The following USP15 variants were observed in gnomAD, a reference collection of about 807,000 sequenced individuals.
USP15 encodes the protein ubiquitin specific peptidase 15, also known as ubiquitin carboxyl-terminal hydrolase 15.
USP15 carries 18 observed loss-of-function variants against 127.1 expected under a neutral mutation model. The ratio of observed to expected loss-of-function variants is 0.14; its 90% CI spans 0.10 to 0.21. The LOEUF is 0.21. USP15 is among the 10% of genes least tolerant of loss of function. The pLI is 1.00. For synonymous variants in USP15, 364 were observed against 393.7 expected, an observed-to-expected ratio of 0.92 and a Z score of 0.89; for missense variants, 805 against 1,159.9, an observed-to-expected ratio of 0.69 and a Z score of 4.44.
intron 1 of USP15, among the ~76,000 whole-genome samples, chr12:62,261,334 A>G (rs181404635): frequency 1.3e-5 from 2 of 152,376 alleles, no homozygotes; most frequent in Non-Finnish European, 2.9e-5. Flanking sequence ...CTTGTCGACC[A>G]TATCAAGTGG....
chr12:62,298,359 T>C (rs1356358343), intron 2 of USP15, among the ~76,000 whole-genome samples: 1 of 151,862 alleles, frequency 6.6e-6, no homozygotes, highest in Non-Finnish European at 1.5e-5. Context: ...ACCTTGTCTC[T>C]AGAATAAATA....
intron 6 of USP15, among the ~76,000 whole-genome samples, chr12:62,343,410 G>A (rs999138746): frequency 1.3e-5 from 2 of 152,164 alleles, no homozygotes; most frequent in African/African-American, 4.8e-5. Context: ...CCCTTTCCAG[G>A]GGAGCGAATG....
intron 20 of USP15, among the ~76,000 whole-genome samples, chr12:62,400,651 G>T (rs1040452875): frequency 5.9e-5 from 9 of 151,428 alleles, no homozygotes; most frequent in Non-Finnish European, 1.2e-4. Flanking sequence ...ATGAGTAGAG[G>T]TATCAGAAAA....
intron 20 of USP15, among the ~76,000 whole-genome samples, chr12:62,398,320 T>C (rs1203658623): frequency 6.6e-6 from 1 of 152,186 alleles, no homozygotes; most frequent in Non-Finnish European, 1.5e-5. Flanking sequence ...TCTAATTGAT[T>C]TCTTCCCTTC....
intron 6 of USP15, among the ~76,000 whole-genome samples, chr12:62,328,650 T>A (rs2065200979): frequency 6.6e-6 from 1 of 152,214 alleles, no homozygotes; most frequent in African/African-American, 2.4e-5. Flanking sequence ...GTTCAAAATT[T>A]TTTTTTTCCT....
chr12:62,310,759 T>C (rs930814255), intron 3 of USP15, among the ~76,000 whole-genome samples: 3 of 135,704 alleles, frequency 2.2e-5, no homozygotes, highest in African/African-American at 8.4e-5. Flanking sequence ...GTAGGATTGC[T>C]GGATTCAATG....
At chr12:62,274,716 A>G (rs1189674731) in intron 1 of USP15, among the ~76,000 whole-genome samples, 1 of 152,144 alleles carries the variant, frequency 6.6e-6, no homozygotes, top group East Asian at 1.9e-4. Context: ...GAGGGAAGGG[A>G]GGGAAGAAAA....
At chr12:62,280,384 A>G (rs1250461629) in intron 1 of USP15, among the ~76,000 whole-genome samples, 2 of 152,196 alleles carry the variant, frequency 1.3e-5, no homozygotes, top group Non-Finnish European at 2.9e-5. Flanking sequence ...CTGCTATAAC[A>G]AAGTACCTGT....
At chr12:62,351,839 ATCTT>A (rs2065975222) in intron 7 of USP15, among the ~76,000 whole-genome samples, 3 of 151,980 alleles carry the variant, frequency 2.0e-5, no homozygotes, top group African/African-American at 7.2e-5. Context: ...TGTAAGGATT[ATCTT>A]TCTTAGTAAG....
intron 1 of USP15, among the ~76,000 whole-genome samples, chr12:62,262,004 C>G (rs79870446): frequency 0.021 from 3,164 of 152,038 alleles, 104 homozygotes; most frequent in African/African-American, 0.073. Context: ...TTTGGGAGGC[C>G]GAGGAGGGAG....
chr12:62,269,896 C>T (rs1456275362), intron 1 of USP15, among the ~76,000 whole-genome samples: 4 of 152,056 alleles, frequency 2.6e-5, no homozygotes, highest in Non-Finnish European at 5.9e-5. Context: ...GTTTTCATTT[C>T]TCGTGTATAT....
intron 2 of USP15, among the ~76,000 whole-genome samples, chr12:62,302,291 T>C (rs1016883342): frequency 6.6e-6 from 1 of 152,194 alleles, no homozygotes; most frequent in Non-Finnish European, 1.5e-5. Context: ...GAGGGATCTC[T>C]GCTACTCAAA....
At position 62,381,501 on chromosome 12, in the gene USP15, C is replaced by T. The variant is rs760358854; in HGVS notation, c.927C>T (p.Asn309=). The change falls in exon 9 of 22, where the codon AAC becomes AAT. Residue 309 remains asparagine, a synonymous_variant. Transcript: ENST00000280377. ...FMNSAIQCLS[N]TPPLTEYFLN... ...TTTATTTTTTGCAGTGTTTGAGCAA[C>T]ACACCTCCACTTACTGAGTATTTCC... 2 of 1,604,772 alleles carry T rather than the reference C, an allele frequency of 1.2e-6. No individual in the cohort carries two copies. The highest frequency in any genetic ancestry group is 1.1e-5 in the South Asian group (1 of 89,634).
intron 9 of USP15, among the ~76,000 whole-genome samples, chr12:62,382,505 T>G (rs2067021291): frequency 6.6e-6 from 1 of 151,992 alleles, no homozygotes; most frequent in Non-Finnish European, 1.5e-5. Context: ...TTCCTTAACA[T>G]TCTAAACTTT....
rs1353971599 is a variant in USP15, at chr12:62,260,469, C to T, written c.55C>T (p.Leu19=). The part of the protein sequence containing the change: ...LDTQRSDIAT[L]LKTSLRKGDT... ...CACCCAGCGGTCTGACATCGCGACG[C>T]TGCTCAAAACCTCGCTCCGGAAAGG... The change falls in exon 1 of 22, where the codon CTG becomes TTG. Residue 19 remains leucine, a synonymous_variant. Transcript: ENST00000280377. The T allele has an allele frequency of 6.4e-7, 1 of 1,552,034 alleles. No homozygotes were observed. The highest frequency in any genetic ancestry group is 8.7e-7 in the Non-Finnish European group (1 of 1,147,576).
chr12:62,376,303 A>C (rs2066826233), intron 8 of USP15, among the ~76,000 whole-genome samples: 3 of 152,066 alleles, frequency 2.0e-5, no homozygotes, highest in Non-Finnish European at 4.4e-5. Flanking sequence ...TGGAACTATT[A>C]GTACAAAGTC....
intron 8 of USP15, among the ~76,000 whole-genome samples, chr12:62,371,573 GT>G (rs971561897): frequency 5.3e-5 from 8 of 152,040 alleles, no homozygotes; most frequent in African/African-American, 1.9e-4. Flanking sequence ...AGCAAGACTT[GT>G]TTTTTATATG....
chr12:62,292,854 C>T (rs1269585645), intron 1 of USP15, among the ~76,000 whole-genome samples: 1 of 152,108 alleles, frequency 6.6e-6, no homozygotes, highest in African/African-American at 2.4e-5. Flanking sequence ...TATTGGGAAC[C>T]CTGCAGCACC....
chr12:62,370,638 G>C (rs1283847211), intron 8 of USP15, among the ~76,000 whole-genome samples: 3 of 152,112 alleles, frequency 2.0e-5, no homozygotes. Flanking sequence ...CCACCCTATA[G>C]AAATTGCTTT....
Sources: allele counts gnomAD v4.1 joint callset (sites outside exome capture counted in the v4.1 genomes callset), GRCh38; gene constraint gnomAD v4.1.1; transcripts MANE v1.5; gene names NCBI Gene and HGNC (gene_info 2026-07-23, HGNC 2026-07-21).